NELL1: variants seen among roughly 807,000 people sequenced by gnomAD.
NELL1 encodes the protein protein kinase C-binding protein NELL1.
NELL1 carries 76 observed loss-of-function variants against 107.4 expected under a neutral mutation model. That is an observed-to-expected ratio of 0.71 (90% confidence interval 0.59 to 0.86). NELL1 has a LOEUF of 0.86. Among genes scored for constraint, NELL1 ranks in the 40% least tolerant of loss-of-function variants. The pLI, the probability that NELL1 is intolerant of heterozygous loss-of-function variation, is 0.00. For missense variants in NELL1, 1,024 were observed against 1,005.5 expected (o/e 1.02, Z -0.25); for synonymous variants, 353 against 341.2 (o/e 1.03, Z -0.38).
At chr11:21,107,948 A>C (rs1023585494) in intron 12 of NELL1, among the ~76,000 whole-genome samples, 1 of 152,188 alleles carries the variant, frequency 6.6e-6, no homozygotes, top group African/African-American at 2.4e-5. Context: ...GTGTGGAACA[A>C]CTATCCTCTT....
At chr11:21,027,305 GTT>G (rs1852838427) in intron 12 of NELL1, among the ~76,000 whole-genome samples, 1 of 147,974 alleles carries the variant, frequency 6.8e-6, no homozygotes, top group African/African-American at 2.6e-5. Flanking sequence ...GTTTAGTTTA[GTT>G]TAGTTTAGTT....
intron 3 of NELL1, among the ~76,000 whole-genome samples, chr11:20,802,809 G>C (rs1857305833): frequency 6.6e-6 from 1 of 152,090 alleles, no homozygotes; most frequent in Admixed American, 6.5e-5. Context: ...ATTATTTTCA[G>C]CATCAAGTGA....
intron 16 of NELL1, among the ~76,000 whole-genome samples, chr11:21,556,565 C>T (rs1270258463): frequency 6.6e-6 from 1 of 151,898 alleles, no homozygotes; most frequent in Non-Finnish European, 1.5e-5. Context: ...ATAAACATCT[C>T]TGAATTCTAT....
At chr11:21,508,483 A>T (rs1281200812) in intron 15 of NELL1, among the ~76,000 whole-genome samples, 1 of 152,158 alleles carries the variant, frequency 6.6e-6, no homozygotes, top group African/African-American at 2.4e-5. Context: ...GCAGAAAATA[A>T]AAAGGGGACA....
At chr11:21,477,420 G>A (rs1473943512) in intron 15 of NELL1, among the ~76,000 whole-genome samples, 3 of 152,024 alleles carry the variant, frequency 2.0e-5, no homozygotes, top group Non-Finnish European at 4.4e-5. Flanking sequence ...AATTTTTTCA[G>A]ATCTTATCCA....
intron 15 of NELL1, among the ~76,000 whole-genome samples, chr11:21,517,836 T>C (rs1855607596): frequency 6.6e-6 from 1 of 152,110 alleles, no homozygotes; most frequent in Admixed American, 6.5e-5. Flanking sequence ...TTTTTCAAGA[T>C]ATATGGTTAG....
intron 4 of NELL1, among the ~76,000 whole-genome samples, chr11:20,869,945 G>A (rs957026041): frequency 1.4e-4 from 22 of 152,314 alleles, no homozygotes; most frequent in Admixed American, 3.9e-4. Context: ...TTACTAAAAG[G>A]TTACCAGATT....
chr11:21,335,295 A>G (rs1042889815), intron 14 of NELL1, among the ~76,000 whole-genome samples: 1 of 152,060 alleles, frequency 6.6e-6, no homozygotes, highest in Non-Finnish European at 1.5e-5. Flanking sequence ...AAGGACAAAT[A>G]TCCTTATGCA....
intron 13 of NELL1, among the ~76,000 whole-genome samples, chr11:21,172,220 CCTT>C (rs1856622444): frequency 6.6e-6 from 1 of 151,898 alleles, no homozygotes; most frequent in African/African-American, 2.4e-5. Context: ...ATTCTAGTCT[CCTT>C]CTTTAGATTC....
chr11:21,389,076 A>G (rs1851811621), intron 15 of NELL1, among the ~76,000 whole-genome samples: 1 of 151,852 alleles, frequency 6.6e-6, no homozygotes, highest in South Asian at 2.1e-4. Flanking sequence ...AGAGAACCTT[A>G]TCATACTCTT....
At chr11:21,041,284 A>G (rs1853223966) in intron 12 of NELL1, among the ~76,000 whole-genome samples, 2 of 152,200 alleles carry the variant, frequency 1.3e-5, no homozygotes, top group Non-Finnish European at 2.9e-5. Context: ...TACCTTGCGT[A>G]GTCGCTTTGA....
At chr11:21,081,973 T>C (rs1400425436) in intron 12 of NELL1, among the ~76,000 whole-genome samples, 1 of 152,174 alleles carries the variant, frequency 6.6e-6, no homozygotes, top group Non-Finnish European at 1.5e-5. Context: ...CACTTGGCTT[T>C]AGAGCCTATA....
At chr11:20,810,907 C>G (rs1857489446) in intron 3 of NELL1, among the ~76,000 whole-genome samples, 1 of 151,740 alleles carries the variant, frequency 6.6e-6, no homozygotes, top group Non-Finnish European at 1.5e-5. Flanking sequence ...ATATTAACCC[C>G]TTATCAGATG....
At chr11:21,436,127 G>A (rs888912151) in intron 15 of NELL1, among the ~76,000 whole-genome samples, 50 of 151,972 alleles carry the variant, frequency 3.3e-4, no homozygotes, top group Non-Finnish European at 2.4e-4. Context: ...CATGATCCTG[G>A]CTCACTGCAA....
At chr11:20,989,826 A>G (rs1368772073) in intron 12 of NELL1, among the ~76,000 whole-genome samples, 1 of 152,026 alleles carries the variant, frequency 6.6e-6, no homozygotes, top group East Asian at 1.9e-4. Context: ...CCCTGTCTCT[A>G]CTAAAAATAT....
At chr11:20,962,424 A>C (rs1014025143) in intron 12 of NELL1, among the ~76,000 whole-genome samples, 23 of 152,190 alleles carry the variant, frequency 1.5e-4, no homozygotes, top group African/African-American at 5.6e-4. Context: ...AAATGATAGA[A>C]GAAACCTCAA....
intron 15 of NELL1, among the ~76,000 whole-genome samples, chr11:21,422,191 A>G (rs1160052027): frequency 6.6e-6 from 1 of 152,118 alleles, no homozygotes; most frequent in African/African-American, 2.4e-5. Context: ...GTTCAGTACC[A>G]CTAGACCTAC....
intron 4 of NELL1, among the ~76,000 whole-genome samples, chr11:20,876,748 G>A (rs1014529425): frequency 6.6e-6 from 1 of 152,092 alleles, no homozygotes; most frequent in Non-Finnish European, 1.5e-5. Flanking sequence ...GGGGGACAGA[G>A]GGAGACTCCA....
chr11:21,261,025 A>G (rs1311949019), intron 14 of NELL1, among the ~76,000 whole-genome samples: 1 of 151,802 alleles, frequency 6.6e-6, no homozygotes, highest in Non-Finnish European at 1.5e-5. Flanking sequence ...ACCTTATTGA[A>G]TAGAAATTCA....
Sources: allele counts gnomAD v4.1 joint callset (sites outside exome capture counted in the v4.1 genomes callset), GRCh38; gene constraint gnomAD v4.1.1; transcripts MANE v1.5; gene names NCBI Gene and HGNC (gene_info 2026-07-23, HGNC 2026-07-21).